Variants in RIOK3 observed in about 807,000 individuals in gnomAD.
RIOK3 encodes the protein RIO kinase 3, also known as serine/threonine-protein kinase RIO3.
Under a neutral mutation model 63.5 loss-of-function variants are expected in RIOK3, and 40 were observed. That is an observed-to-expected ratio of 0.63 (90% CI 0.49 to 0.82). The LOEUF is 0.82. Among genes scored for constraint, RIOK3 ranks in the 40% least tolerant of loss-of-function variants. The pLI is 0.00. For missense variants in RIOK3, 557 were observed against 637.0 expected (o/e 0.87, Z 1.35); for synonymous variants, 193 against 205.0 (o/e 0.94, Z 0.50).
intron 7 of RIOK3, among the ~76,000 whole-genome samples, chr18:23,468,968 G>A (rs761039995): frequency 5.3e-5 from 8 of 152,134 alleles, no homozygotes; most frequent in Non-Finnish European, 7.3e-5. Context: ...GCAGCTATAC[G>A]ACTGAGGTCC....
chr18:23,475,202 G>C, intron 9 of RIOK3, 95 bp downstream of exon 9: 1 of 944,958 alleles, frequency 1.1e-6, no homozygotes, highest in South Asian at 1.7e-5. Context: ...AGGCATGTTG[G>C]CTCACACTTG....
Position 23,464,068 on chromosome 18 carries a change from C to G in RIOK3, c.281C>G (p.Ala94Gly). 6.2e-7 allele frequency: 1 copy of G among 1,613,288 alleles called. No individual in the cohort carries two copies. Among genetic ancestry groups the G allele is most frequent in the Non-Finnish European group, 8.5e-7 (1 of 1,179,720 alleles). ...ATGGAATATGACAGAGAATATGATG[C>G]ACAGCTTAGGCGTGAAGAAAAAAAA... ...LQMEYDREYDAQLRREEKKFN... is the reference protein window; with the variant it reads ...LQMEYDREYDGQLRREEKKFN... The change falls in exon 3 of 13, where the codon GCA becomes GGA. Residue 94 changes from alanine to glycine, a missense_variant. Ala to Gly is a moderately conservative substitution (Grantham distance 60, BLOSUM62 0). This residue lies in a region of RIOK3 where 243 missense variants were observed against 275.4 expected (regional missense o/e 0.88). Transcript: ENST00000339486.
At position 23,477,179 on chromosome 18, in the gene RIOK3, G is replaced by A. The variant is rs766158061; in HGVS notation, c.1255G>A (p.Val419Ile). 1 of 1,613,924 alleles carries A rather than the reference G, an allele frequency of 6.2e-7. No individual in the cohort carries two copies. Among genetic ancestry groups the A allele is most frequent in the Non-Finnish European group, 8.5e-7 (1 of 1,179,832 alleles). ...CAGTTCATGTTCTGTATTGAAATAG[G>A]TCTGGTTGATCGATGTCAGTCAGTC... is the stretch of plus-strand genomic sequence containing the variant. ...EYNMLWHAGKVWLIDVSQSVE... is the reference protein window; with the variant it reads ...EYNMLWHAGKIWLIDVSQSVE... The change falls in exon 11 of 13, where the codon GTC (valine) becomes ATC (isoleucine). Residue 419 changes from valine (V) to isoleucine (I), a missense_variant and splice_region_variant. By Grantham distance (29) the Val-to-Ile change is conservative (BLOSUM62 3). Transcript: ENST00000339486.
intron 1 of RIOK3, among the ~76,000 whole-genome samples, chr18:23,454,210 C>G (rs1335780099): frequency 6.6e-6 from 1 of 152,174 alleles, no homozygotes; most frequent in African/African-American, 2.4e-5. Flanking sequence ...TGCTTGAGAG[C>G]AGAGTGCTTC....
intron 12 of RIOK3, among the ~76,000 whole-genome samples, chr18:23,480,031 C>T (rs2057520873): frequency 6.6e-6 from 1 of 152,082 alleles, no homozygotes; most frequent in Non-Finnish European, 1.5e-5. Context: ...CTGAGTGATA[C>T]AAAAAATAGT....
At chr18:23,479,203 G>A (rs528229271) in intron 11 of RIOK3, 114 bp from the exon 12 acceptor site, 16 of 641,522 alleles carry the variant, frequency 2.5e-5, no homozygotes, top group South Asian at 6.9e-5. Flanking sequence ...GTGTGTGTGC[G>A]TGTGCACACG....
intron 2 of RIOK3, 93 bp downstream of exon 2, chr18:23,463,172 C>T: frequency 3.8e-6 from 3 of 794,652 alleles, no homozygotes; most frequent in Non-Finnish European, 6.1e-6. Context: ...TTGGAAAAAG[C>T]AGTGCAGAAG....
At chr18:23,476,359 A>G (rs1281094653) in intron 9 of RIOK3, among the ~76,000 whole-genome samples, 1 of 152,190 alleles carries the variant, frequency 6.6e-6, no homozygotes, top group Non-Finnish European at 1.5e-5. Flanking sequence ...CAATCTCCAC[A>G]TGAAGCTGTC....
At position 23,481,384 on chromosome 18, in the gene RIOK3, A is replaced by G. The variant is rs1369815071; in HGVS notation, c.*105A>G. 7.4e-6 allele frequency: 5 copies of G among 674,242 alleles called. No individual in the cohort carries two copies. The highest frequency in any genetic ancestry group is 3.7e-5 in the African/African-American group (2 of 53,500). 41.8% of individuals were successfully genotyped at this position (674,242 alleles called of 1,614,324 possible). A position where few individuals can be genotyped will look rare whatever the true frequency, so the allele number is the denominator to read the frequency against. On this transcript the variant is annotated 3_prime_UTR_variant, in exon 13 of 13. Coordinates refer to ENST00000339486, the MANE Select transcript of RIOK3 (RefSeq NM_003831.5). ...AATACCAAAACCTGAGGAGTGGGCAATGGTGCTTCTGTGCTTTTCCCCCTT... is the reference window on the plus strand; with the variant it reads ...AATACCAAAACCTGAGGAGTGGGCAGTGGTGCTTCTGTGCTTTTCCCCCTT...
Position 23,464,057 on chromosome 18 carries a change from A to G in RIOK3, c.270A>G (p.Arg90=), listed in dbSNP as rs780054127. The part of the protein sequence containing the change: ...LAQMLQMEYD[R]EYDAQLRREE... ...AGATGCTACAGATGGAATATGACAG[A>G]GAATATGATGCACAGCTTAGGCGTG... The change falls in exon 3 of 13, where the codon AGA becomes AGG. Residue 90 remains arginine, a synonymous_variant. Coordinates refer to ENST00000339486, the MANE Select transcript of RIOK3 (RefSeq NM_003831.5). 8.1e-6 allele frequency: 13 copies of G among 1,613,600 alleles called. No individual in the cohort carries two copies. Among genetic ancestry groups the G allele is most frequent in the South Asian group, 2.2e-5 (2 of 90,996 alleles).
At chr18:23,475,142 C>T (rs771347285) in intron 9 of RIOK3, 35 bp downstream of exon 9, 1 of 1,524,756 alleles carries the variant, frequency 6.6e-7, no homozygotes, top group Non-Finnish European at 8.9e-7. Flanking sequence ...CACACACTAC[C>T]TTTAAAAAAT....
intron 7 of RIOK3, among the ~76,000 whole-genome samples, chr18:23,469,302 T>TCCC (rs2057431579): frequency 1.6e-5 from 2 of 122,534 alleles, no homozygotes; most frequent in African/African-American, 3.2e-5. Flanking sequence ...CCTTTCTTTC[T>TCCC]TCCTCTCTCT....
chr18:23,468,141 A>G (rs1422842053), intron 7 of RIOK3, among the ~76,000 whole-genome samples: 1 of 152,094 alleles, frequency 6.6e-6, no homozygotes, highest in East Asian at 1.9e-4. Context: ...GTGAGAGATG[A>G]AAAGTAACAT....
intron 1 of RIOK3, among the ~76,000 whole-genome samples, chr18:23,456,018 G>C (rs543891628): frequency 6.6e-6 from 1 of 152,180 alleles, no homozygotes; most frequent in East Asian, 1.9e-4. Flanking sequence ...GGATGGTCTC[G>C]ATCTCTTGAC....
At chr18:23,474,587 A>G (rs150983378) in intron 8 of RIOK3, among the ~76,000 whole-genome samples, 89 of 152,276 alleles carry the variant, frequency 5.8e-4, no homozygotes, top group African/African-American at 2.0e-3. Context: ...TGATTGATAT[A>G]CATTCCCCAA....
chr18:23,471,071 A>G (rs1206084469), intron 7 of RIOK3, among the ~76,000 whole-genome samples: 2 of 152,222 alleles, frequency 1.3e-5, no homozygotes, highest in African/African-American at 4.8e-5. Flanking sequence ...ACAGCAATGA[A>G]TGGTACAAGG....
chr18:23,481,151 T>C, intron 12 of RIOK3, 21 bp from the exon 13 acceptor site: 1 of 1,478,780 alleles, frequency 6.8e-7, no homozygotes, highest in East Asian at 2.3e-5. Context: ...GACAAATGGA[T>C]TCAATGTATT....
At chr18:23,463,942 G>T in intron 2 of RIOK3, 25 bp from the exon 3 acceptor site, 1 of 1,580,100 alleles carries the variant, frequency 6.3e-7, no homozygotes, top group Non-Finnish European at 8.6e-7. Context: ...CATTACATTA[G>T]TTTATATTGC....
At chr18:23,459,521 G>A (rs1210371748) in intron 1 of RIOK3, among the ~76,000 whole-genome samples, 2 of 152,216 alleles carry the variant, frequency 1.3e-5, no homozygotes, top group African/African-American at 4.8e-5. Context: ...TTTGCATACT[G>A]CTATGGGAAC....
Sources: gnomAD v4.1 joint callset for allele counts (sites outside exome capture counted in the v4.1 genomes callset) on GRCh38, gnomAD v4.1.1 for gene constraint, gnomAD v4.1.1 regional missense constraint, MANE v1.5 for transcripts, NCBI Gene and HGNC (gene_info 2026-07-23, HGNC 2026-07-21) for gene names.